RBL1: variants seen among roughly 807,000 people sequenced by gnomAD.
RBL1 encodes the protein RB transcriptional corepressor like 1.
Under a neutral mutation model 123.0 loss-of-function variants are expected in RBL1, and 82 were observed. The ratio of observed to expected loss-of-function variants is 0.67; its 90% CI spans 0.56 to 0.80. The LOEUF (loss-of-function observed/expected upper bound fraction) is 0.80, where lower values mean the gene tolerates loss of function less well. Ranked by LOEUF, RBL1 falls within the 30% of genes least tolerant of loss-of-function variation. RBL1 has a pLI of 0.00. For synonymous variants in RBL1, 405 were observed against 441.3 expected, an observed-to-expected ratio of 0.92 and a Z score of 1.03; for missense variants, 1,171 against 1,299.6, an observed-to-expected ratio of 0.90 and a Z score of 1.52.
At chr20:37,007,980 A>G (rs1464497953) in intron 19 of RBL1, among the ~76,000 whole-genome samples, 1 of 152,230 alleles carries the variant, frequency 6.6e-6, no homozygotes, top group Non-Finnish European at 1.5e-5. Flanking sequence ...TAGAGAAATT[A>G]ATATTTTCAG....
At chr20:37,023,170 G>A (rs1391338433) in intron 16 of RBL1, among the ~76,000 whole-genome samples, 1 of 151,486 alleles carries the variant, frequency 6.6e-6, no homozygotes, top group Non-Finnish European at 1.5e-5. Context: ...CACCCAGGCT[G>A]GAGTGCAGTG....
At chr20:37,051,033 G>A (rs2064902529) in intron 11 of RBL1, among the ~76,000 whole-genome samples, 1 of 151,758 alleles carries the variant, frequency 6.6e-6, no homozygotes, top group Non-Finnish European at 1.5e-5. Context: ...TGTTTTTAGG[G>A]ATGGGGTCTT....
At chr20:37,004,836 T>A (rs965828275) in intron 20 of RBL1, among the ~76,000 whole-genome samples, 2 of 151,820 alleles carry the variant, frequency 1.3e-5, no homozygotes, top group Admixed American at 1.3e-4. Flanking sequence ...GAGACCAGCC[T>A]GGCCAACATG....
chr20:37,012,501 C>T (rs1450544447), intron 19 of RBL1, among the ~76,000 whole-genome samples: 1 of 150,634 alleles, frequency 6.6e-6, no homozygotes, highest in Admixed American at 6.6e-5. Flanking sequence ...ATGTGGGGAG[C>T]GCCTCTGCCC....
At chr20:37,022,237 G>A (rs773710469) in intron 17 of RBL1, among the ~76,000 whole-genome samples, 1 of 152,200 alleles carries the variant, frequency 6.6e-6, no homozygotes, top group East Asian at 1.9e-4. Context: ...GTTATTCCAT[G>A]ACTTAAAACA....
At chr20:37,095,611 A>T (rs568730704) in intron 1 of RBL1, among the ~76,000 whole-genome samples, 162 bp downstream of exon 1, 1 of 152,130 alleles carries the variant, frequency 6.6e-6, no homozygotes, top group Admixed American at 6.5e-5. Context: ...TGATGGGTGG[A>T]TTGGCTGAGC....
At chr20:37,039,762 A>AG (rs1287028615) in intron 14 of RBL1, among the ~76,000 whole-genome samples, 2 of 151,762 alleles carry the variant, frequency 1.3e-5, no homozygotes, top group South Asian at 2.1e-4. Flanking sequence ...CTGGGACATG[A>AG]GGGGGGTCTC....
chr20:37,087,671 A>T (rs1418837310), intron 2 of RBL1, among the ~76,000 whole-genome samples: 1 of 152,194 alleles, frequency 6.6e-6, no homozygotes, highest in Non-Finnish European at 1.5e-5. Flanking sequence ...TAAAAGAAAA[A>T]GAAAGGCTGT....
intron 12 of RBL1, 47 bp downstream of exon 12, chr20:37,047,006 G>A (rs1387079270): frequency 6.5e-7 from 1 of 1,532,328 alleles, no homozygotes. Context: ...ATGTTTCTGT[G>A]AGAAACACTG....
intron 14 of RBL1, 21 bp from the exon 15 acceptor site, chr20:37,035,529 T>A (rs769126732): frequency 1.2e-5 from 18 of 1,505,256 alleles, no homozygotes; most frequent in African/African-American, 2.9e-5. Flanking sequence ...ATAATAAATT[T>A]AAAACAGAAA....
intron 20 of RBL1, among the ~76,000 whole-genome samples, chr20:37,004,866 T>C (rs1473379851): frequency 6.6e-6 from 1 of 150,430 alleles, no homozygotes; most frequent in Non-Finnish European, 1.5e-5. Flanking sequence ...CACTTCAGCC[T>C]CCTGAGTAGC....
At chr20:37,049,728 G>T (rs2064875191) in intron 11 of RBL1, 5 of 611,980 alleles carry the variant, frequency 8.2e-6, no homozygotes, top group Admixed American at 2.5e-5. Flanking sequence ...GTTAATAAAA[G>T]ATATAAACTA....
At chr20:37,002,458 C>T (rs2064004525) in intron 21 of RBL1, among the ~76,000 whole-genome samples, 1 of 149,642 alleles carries the variant, frequency 6.7e-6, no homozygotes, top group South Asian at 2.1e-4. Flanking sequence ...ATTCTCCTGC[C>T]TCAGCCTCCC....
chr20:37,011,766 A>G (rs2064151836), intron 19 of RBL1, among the ~76,000 whole-genome samples: 1 of 152,140 alleles, frequency 6.6e-6, no homozygotes, highest in Admixed American at 6.5e-5. Flanking sequence ...AAAATAATGA[A>G]TGTTTATTAA....
chr20:37,095,792 C>A lies in RBL1; in HGVS notation c.137G>T (p.Arg46Leu), dbSNP rs1215003963. 3 of 1,609,646 alleles carry A rather than the reference C, an allele frequency of 1.9e-6. No homozygotes were observed. Among genetic ancestry groups the A allele is most frequent in the Middle Eastern group, 2.0e-4 (1 of 5,110 alleles). ...GCTCACCTCTAGGCTGTAGTTGCCT[C>A]GGATGGCAGTAAAGTCGTCCAGGGC... ...AEALDDFTAI[R>L]GNYSLEGEVT... is the part of the protein sequence containing the mutation. Residue 46 changes from arginine (R) to leucine (L), a missense_variant, in exon 1 of 22, where the codon CGA becomes CTA. By Grantham distance (102) the Arg-to-Leu change is moderately radical. Coordinates refer to ENST00000373664, the MANE Select transcript of RBL1 (RefSeq NM_002895.5).
Position 37,022,697 on chromosome 20 carries a change from T to C in RBL1, c.2512A>G (p.Arg838Gly). The change falls in exon 17 of 22, where the codon AGG becomes GGG. Residue 838 changes from arginine (R) to glycine (G), a missense_variant. Transcript: ENST00000373664. ...LVHCPDLMKD[R>G]HLDQLLLCAF... is the part of the protein sequence containing the mutation. ...CAAAGGAGGAGCTGATCCAAATGCC[T>C]GTCTTTCATTAGATCAGGACAGTGA... 1 of 1,613,394 alleles carries C rather than the reference T, an allele frequency of 6.2e-7. No individual in the cohort carries two copies. Among genetic ancestry groups the C allele is most frequent in the Non-Finnish European group, 8.5e-7 (1 of 1,179,680 alleles).
At chr20:37,070,022 T>C (rs2065259296) in intron 2 of RBL1, among the ~76,000 whole-genome samples, 2 of 152,208 alleles carry the variant, frequency 1.3e-5, no homozygotes, top group Admixed American at 1.3e-4. Flanking sequence ...CTTTGTGGAA[T>C]AGAAGGGCGG....
At chr20:37,083,914 T>A (rs1785106915) in intron 2 of RBL1, among the ~76,000 whole-genome samples, 1 of 151,210 alleles carries the variant, frequency 6.6e-6, no homozygotes, top group South Asian at 2.1e-4. Flanking sequence ...TTAATGGATT[T>A]TTTTTTTTTT....
intron 2 of RBL1, among the ~76,000 whole-genome samples, chr20:37,069,141 T>G (rs1392637329): frequency 6.6e-6 from 1 of 152,236 alleles, no homozygotes; most frequent in East Asian, 1.9e-4. Flanking sequence ...CACTCAGTGC[T>G]CAATGGTGCC....
Sources: allele counts gnomAD v4.1 joint callset (sites outside exome capture counted in the v4.1 genomes callset), GRCh38; gene constraint gnomAD v4.1.1; transcripts MANE v1.5; gene names NCBI Gene and HGNC (gene_info 2026-07-23, HGNC 2026-07-21).